The following SMG7 variants were observed in gnomAD, a reference collection of about 807,000 sequenced individuals.
SMG7 encodes SMG7 nonsense mediated mRNA decay factor, also known as nonsense-mediated mRNA decay factor SMG7.
Under a neutral mutation model 148.2 loss-of-function variants are expected in SMG7, and 34 were observed. The ratio of observed to expected loss-of-function variants is 0.23; its 90% confidence interval spans 0.17 to 0.31. The LOEUF (loss-of-function observed/expected upper bound fraction) is 0.31. SMG7 is among the 10% of genes least tolerant of loss of function. The probability of loss-of-function intolerance (pLI) is 1.00; values close to 1 mark genes in which losing one functional copy is unlikely to be tolerated. For synonymous variants in SMG7, 492 were observed against 515.1 expected (o/e 0.96, Z 0.61); for missense variants, 1,114 against 1,408.4 (o/e 0.79, Z 3.35).
intron 4 of SMG7, among the ~76,000 whole-genome samples, chr1:183,520,632 C>T (rs1664556876): frequency 6.6e-6 from 1 of 152,134 alleles, no homozygotes; most frequent in African/African-American, 2.4e-5. Flanking sequence ...CATCTACCTT[C>T]TGCAGTACAT....
chr1:183,496,038 G>T (rs1658406431), intron 1 of SMG7, among the ~76,000 whole-genome samples: 1 of 152,172 alleles, frequency 6.6e-6, no homozygotes, highest in African/African-American at 2.4e-5. Context: ...TTGAATTCCA[G>T]TCCTAGCACT....
At chr1:183,474,033 T>C (rs1651461395) in intron 1 of SMG7, 2 of 238,072 alleles carry the variant, frequency 8.4e-6, no homozygotes, top group Admixed American at 6.5e-5. Flanking sequence ...ACACAACATA[T>C]ATGCCCAGTG....
intron 1 of SMG7, among the ~76,000 whole-genome samples, chr1:183,492,870 A>G (rs1399673866): frequency 6.6e-6 from 1 of 152,174 alleles, no homozygotes; most frequent in Non-Finnish European, 1.5e-5. Context: ...CTTTTATTGC[A>G]TCCGACACGT....
chr1:183,547,920 C>G (rs1169575377), intron 18 of SMG7, among the ~76,000 whole-genome samples: 2 of 152,074 alleles, frequency 1.3e-5, no homozygotes, highest in African/African-American at 4.8e-5. Context: ...TGTCAGTGTT[C>G]ATATTATATT....
intron 1 of SMG7, among the ~76,000 whole-genome samples, chr1:183,483,186 T>C (rs1240099747): frequency 2.0e-5 from 3 of 152,160 alleles, no homozygotes; most frequent in Admixed American, 6.5e-5. Context: ...CAAAACTCTT[T>C]GGGTTCTTTT....
At chr1:183,483,603 G>C (rs916653598) in intron 1 of SMG7, among the ~76,000 whole-genome samples, 5 of 152,132 alleles carry the variant, frequency 3.3e-5, no homozygotes, top group African/African-American at 1.2e-4. Flanking sequence ...TTGTGTGTGT[G>C]CATACATACA....
Position 183,479,338 on chromosome 1 carries a change from C to T in SMG7, c.29+6689C>T, listed in dbSNP as rs1314740911. Reference sequence around the variant, plus strand: ...GTCTTGAGCATTGTAAGACGTTCAGCAGCATCCCTGGCCTCTATCCATTAA... The same window carrying T: ...GTCTTGAGCATTGTAAGACGTTCAGTAGCATCCCTGGCCTCTATCCATTAA... On this transcript the variant is annotated intron_variant, in intron 1 of 22. Coordinates refer to ENST00000688051, the MANE Select transcript of SMG7 (RefSeq NM_001375584.1). Among the ~76,000 whole-genome samples the T allele has an allele frequency of 2.0e-5, 3 of 152,244 alleles. No individual in the cohort carries two copies. The East Asian group carries it at 5.8e-4, about 29-fold the overall frequency.
At chr1:183,534,448 C>T (rs1667387191) in intron 10 of SMG7, among the ~76,000 whole-genome samples, 2 of 152,182 alleles carry the variant, frequency 1.3e-5, no homozygotes, top group Admixed American at 6.5e-5. Context: ...TAGGAAGTTC[C>T]TCCCCTGCAT....
chr1:183,543,883 G>A (rs930925529), intron 14 of SMG7, among the ~76,000 whole-genome samples: 1 of 152,154 alleles, frequency 6.6e-6, no homozygotes, highest in African/African-American at 2.4e-5. Flanking sequence ...ATGCCTGACT[G>A]CACATATGGC....
At chr1:183,516,194 G>C in intron 3 of SMG7, 2 of 486,202 alleles carry the variant, frequency 4.1e-6, no homozygotes, top group South Asian at 2.7e-5. Context: ...GAAATGTTTA[G>C]AGTTGAATTC....
chr1:183,550,819 A>G lies in SMG7; in HGVS notation c.3202A>G (p.Thr1068Ala), dbSNP rs775771059. 8.7e-6 allele frequency: 14 copies of G among 1,614,076 alleles called. No individual in the cohort carries two copies. The Admixed American group carries it at 1.2e-4, about 13-fold the overall frequency. The change falls in exon 21 of 23, where the codon ACA (threonine) becomes GCA (alanine). Residue 1068 changes from threonine to alanine, a missense_variant. Around this residue, in one of 4 missense-constraint regions of SMG7, gnomAD observed 788 missense variants for 894.5 expected, o/e 0.88. Transcript: ENST00000688051. ...AAGCAGCCTACCCAGCTCTCCTCCA[A>G]CACACAACCATAATTCTGTTCCATT... ...NPSSLPSSPP[T>A]HNHNSVPFSN...
chr1:183,500,749 A>T (rs955064754), intron 1 of SMG7, among the ~76,000 whole-genome samples: 2 of 152,182 alleles, frequency 1.3e-5, no homozygotes, highest in African/African-American at 4.8e-5. Flanking sequence ...GTGGGAGGGC[A>T]TTCTAGGATG....
intron 1 of SMG7, among the ~76,000 whole-genome samples, chr1:183,505,143 A>G (rs891301939): frequency 6.6e-6 from 1 of 150,962 alleles, no homozygotes; most frequent in African/African-American, 2.4e-5. Context: ...ACTTCTGTTT[A>G]GCCGTGGCCT....
At chr1:183,520,679 T>C (rs1280747156) in intron 4 of SMG7, among the ~76,000 whole-genome samples, 2 of 152,212 alleles carry the variant, frequency 1.3e-5, no homozygotes, top group African/African-American at 4.8e-5. Context: ...GTTTGTCATC[T>C]TGAAAAATGA....
intron 4 of SMG7, among the ~76,000 whole-genome samples, chr1:183,524,284 C>T (rs1665381474): frequency 6.6e-6 from 1 of 151,866 alleles, no homozygotes; most frequent in African/African-American, 2.4e-5. Flanking sequence ...TTTTTATATT[C>T]ATTCATTTGT....
At chr1:183,477,885 G>T (rs116114311) in intron 1 of SMG7, among the ~76,000 whole-genome samples, 85 of 152,172 alleles carry the variant, frequency 5.6e-4, no homozygotes, top group African/African-American at 2.0e-3. Context: ...CATCTCAGTG[G>T]CTCACTTGTC....
chr1:183,525,943 T>G (rs1665744059), intron 4 of SMG7, among the ~76,000 whole-genome samples: 1 of 152,120 alleles, frequency 6.6e-6, no homozygotes, highest in Non-Finnish European at 1.5e-5. Flanking sequence ...TAATAATTTT[T>G]GGGTTTCTGA....
intron 1 of SMG7, chr1:183,474,025 A>G (rs762834968): frequency 2.2e-5 from 6 of 274,138 alleles, no homozygotes; most frequent in Non-Finnish European, 2.8e-5. Flanking sequence ...TGATTTTAAC[A>G]CAACATATAT....
intron 1 of SMG7, among the ~76,000 whole-genome samples, chr1:183,482,994 T>G (rs1654549205): frequency 6.6e-6 from 1 of 152,156 alleles, no homozygotes; most frequent in African/African-American, 2.4e-5. Flanking sequence ...GTGAAGTGTC[T>G]TTGGATTTAA....
Sources: gnomAD v4.1 joint callset for allele counts (sites outside exome capture counted in the v4.1 genomes callset) on GRCh38, gnomAD v4.1.1 for gene constraint, gnomAD v4.1.1 regional missense constraint, MANE v1.5 for transcripts, NCBI Gene and HGNC (gene_info 2026-07-23, HGNC 2026-07-21) for gene names.